The following CTPS2 variants were observed in gnomAD, a reference collection of about 807,000 sequenced individuals.
CTPS2 encodes CTP synthase 2, also known as CTP synthase II.
In CTPS2, 19 loss-of-function variants were observed where a neutral mutation model predicts 46.8. The observed-to-expected ratio is 0.41, with a 90% CI of 0.28 to 0.60. The LOEUF is 0.60. Ranked by LOEUF, CTPS2 falls within the 20% of genes least tolerant of loss-of-function variation. CTPS2 has a pLI of 0.35. For missense variants in CTPS2, 286 were observed against 447.6 expected, an observed-to-expected ratio of 0.64 and a Z score of 3.26; for synonymous variants, 151 against 165.2, an observed-to-expected ratio of 0.91 and a Z score of 0.66.
chrX:16,611,802 T>C (rs1201058783), intron 16 of CTPS2, among the ~76,000 whole-genome samples: 1 of 111,844 alleles, frequency 8.9e-6, no homozygotes, highest in Non-Finnish European at 1.9e-5. Context: ...CTCCTTGAAT[T>C]AGAGGAATAT....
At chrX:16,691,768 A>G (rs1396799537) in intron 6 of CTPS2, 148 bp from the exon 7 acceptor site, 4 of 462,635 alleles carry the variant, frequency 8.6e-6, no homozygotes, top group Non-Finnish European at 1.5e-5. Flanking sequence ...GAGCACTAAT[A>G]TAAGTATAAT....
intron 13 of CTPS2, among the ~76,000 whole-genome samples, chrX:16,647,747 G>A (rs1034999087): frequency 5.2e-4 from 58 of 110,641 alleles, no homozygotes; most frequent in Non-Finnish European, 3.8e-4. Context: ...ATCCTATATC[G>A]TTACTAAGAT....
At chrX:16,701,346 C>T (rs972107333) in intron 2 of CTPS2, among the ~76,000 whole-genome samples, 4 of 110,592 alleles carry the variant, frequency 3.6e-5, no homozygotes, top group Non-Finnish European at 3.8e-5. Flanking sequence ...TGCTTGAGCC[C>T]AGGAGGTCGA....
At position 16,704,106 on chromosome X, in the gene CTPS2, G is replaced by A. The variant is rs72616022; in HGVS notation, c.-39-1165C>T. Among the ~76,000 whole-genome samples the A allele has an allele frequency of 9.5e-4, 104 of 109,965 alleles. 1 individual carries two copies. The East Asian group carries it at 0.025, about 26-fold the overall frequency. On this transcript the variant is annotated intron_variant, in intron 1 of 18. Coordinates refer to ENST00000359276, the MANE Select transcript of CTPS2 (RefSeq NM_175859.3). Reference sequence around the variant, plus strand: ...GGCATGCACCACCATGCTGGGCTAAGTTTTGTATTTTTAGTAGAGATGGGA... The same window carrying A: ...GGCATGCACCACCATGCTGGGCTAAATTTTGTATTTTTAGTAGAGATGGGA...
intron 8 of CTPS2, among the ~76,000 whole-genome samples, chrX:16,684,184 T>C (rs1448736712): frequency 9.0e-6 from 1 of 111,224 alleles, no homozygotes; most frequent in Non-Finnish European, 1.9e-5. Context: ...AATGTTACCA[T>C]GATGACGAAT....
At chrX:16,682,589 T>G (rs1922835951) in intron 9 of CTPS2, among the ~76,000 whole-genome samples, 1 of 112,253 alleles carries the variant, frequency 8.9e-6, no homozygotes, top group South Asian at 3.7e-4. Context: ...ACTCTGATTT[T>G]GGGAGGGTTC....
chrX:16,695,515 GAA>G lies in CTPS2; in HGVS notation c.439-2030_439-2029del, dbSNP rs1228034818. Among the ~76,000 whole-genome samples the G allele has an allele frequency of 5.4e-5, 6 of 111,624 alleles. No individual in the cohort carries two copies. In the Admixed American group the frequency reaches 5.7e-4, roughly 11 times the overall value. ...AGTTGTTTTTGCCTTTGTCTTTAAT[GAA>G]AGTCTTTTTTCTTTTTCTTTTTTTA... On this transcript the variant is annotated intron_variant, in intron 4 of 18. Transcript: ENST00000359276.
At chrX:16,637,298 A>G (rs1469278910) in intron 14 of CTPS2, among the ~76,000 whole-genome samples, 3 of 111,589 alleles carry the variant, frequency 2.7e-5, no homozygotes, top group Non-Finnish European at 5.6e-5. Context: ...GGCTCACTGC[A>G]GCCTCAACCT....
intron 1 of CTPS2, among the ~76,000 whole-genome samples, chrX:16,711,289 CA>C (rs1925448027): frequency 8.9e-6 from 1 of 112,011 alleles, no homozygotes; most frequent in East Asian, 2.8e-4. Flanking sequence ...AGATATTTGA[CA>C]TCTTTTTTGT....
intron 14 of CTPS2, among the ~76,000 whole-genome samples, chrX:16,622,288 G>T (rs1930883906): frequency 9.2e-6 from 1 of 108,622 alleles, no homozygotes. Flanking sequence ...TGTAATCCCA[G>T]CTACTCAGGA....
chrX:16,628,555 G>A (rs112837808), intron 14 of CTPS2, among the ~76,000 whole-genome samples: 1,333 of 110,399 alleles, frequency 0.012, 28 homozygotes, highest in African/African-American at 0.042. Context: ...TAGTAGAGAC[G>A]GGGTTTCTCC....
At chrX:16,667,199 C>A (rs1320679256) in intron 13 of CTPS2, among the ~76,000 whole-genome samples, 1 of 93,681 alleles carries the variant, frequency 1.1e-5, no homozygotes, top group Non-Finnish European at 2.1e-5. Context: ...GTGGCATGAT[C>A]TTGGCTCACT....
intron 13 of CTPS2, 116 bp downstream of exon 13, chrX:16,667,398 T>A: frequency 1.3e-6 from 1 of 758,693 alleles, no homozygotes; most frequent in Non-Finnish European, 2.0e-6. Context: ...CCTCCCAAAG[T>A]GCTGGGATTA....
chrX:16,702,289 C>T (rs1339758183), intron 2 of CTPS2, among the ~76,000 whole-genome samples: 1 of 111,786 alleles, frequency 8.9e-6, no homozygotes, highest in East Asian at 2.8e-4. Flanking sequence ...CTTCTGACCT[C>T]GTGATCCACC....
intron 8 of CTPS2, among the ~76,000 whole-genome samples, chrX:16,688,940 A>AT (rs1401773939): frequency 2.4e-3 from 262 of 107,388 alleles, no homozygotes; most frequent in African/African-American, 7.9e-3. Context: ...CAAAAAAAAA[A>AT]AAATATATAT....
At chrX:16,599,467 C>CTTT (rs1009319649) in intron 17 of CTPS2, among the ~76,000 whole-genome samples, 11 of 94,552 alleles carry the variant, frequency 1.2e-4, no homozygotes, top group African/African-American at 4.6e-4. Context: ...TTTTCTTTTT[C>CTTT]TTTTTTTTCT....
rs999332447 is a variant in CTPS2 at position 16,606,772 on chromosome X, T to A, written c.1691+2769A>T. On this transcript the variant is annotated intron_variant, in intron 17 of 18. Coordinates refer to ENST00000359276, the MANE Select transcript of CTPS2 (RefSeq NM_175859.3). Reference sequence around the variant, plus strand: ...TTCAGAAACTACTAGGAAGCCTTTTTTTTTTTTGAGACAGGGTCTCCCTCT... The same window carrying A: ...TTCAGAAACTACTAGGAAGCCTTTTATTTTTTTGAGACAGGGTCTCCCTCT... Among the ~76,000 whole-genome samples, 3 of 111,182 alleles carry A rather than the reference T, an allele frequency of 2.7e-5. No homozygotes were observed. The Admixed American group carries it at 2.9e-4, about 11-fold the overall frequency.
chrX:16,686,737 C>G (rs1923234922), intron 8 of CTPS2, among the ~76,000 whole-genome samples: 1 of 110,954 alleles, frequency 9.0e-6, no homozygotes, highest in South Asian at 3.8e-4. Context: ...AACCCTGTCT[C>G]TATAAAAAAC....
At chrX:16,614,168 A>G (rs772474270) in intron 16 of CTPS2, among the ~76,000 whole-genome samples, 253 of 112,281 alleles carry the variant, frequency 2.3e-3, no homozygotes, top group Non-Finnish European at 4.2e-3. Flanking sequence ...GTGTTGGGCC[A>G]CATTCAAATC....
Sources: allele counts gnomAD v4.1 joint callset (sites outside exome capture counted in the v4.1 genomes callset), GRCh38; gene constraint gnomAD v4.1.1; transcripts MANE v1.5; gene names NCBI Gene and HGNC (gene_info 2026-07-23, HGNC 2026-07-21).